JDP2: variants seen among roughly 807,000 people sequenced by gnomAD.
The protein encoded by JDP2 is progesterone receptor co-activator.
JDP2 carries 9 observed loss-of-function variants against 17.1 expected under a neutral mutation model. The ratio of observed to expected loss-of-function variants is 0.53; its 90% CI spans 0.32 to 0.92. The LOEUF is 0.92. JDP2 is among the 40% of genes least tolerant of loss of function. The pLI is 0.04. For synonymous variants in JDP2, 107 were observed against 95.6 expected, an observed-to-expected ratio of 1.12 and a Z score of -0.69; for missense variants, 179 against 220.0, an observed-to-expected ratio of 0.81 and a Z score of 1.18.
chr14:75,469,492 G>T lies in JDP2; in HGVS notation c.*17G>T. The stretch of plus-strand genomic sequence containing the variant: ...AAGAAGTGACCATGGGCTGGGAGGA[G>T]GTGGAGGAGGAGGAAGAGGAGAAGG... On this transcript the variant is annotated 3_prime_UTR_variant, in exon 4 of 4. Transcript: ENST00000651602. 1 of 1,607,218 alleles carries T rather than the reference G, an allele frequency of 6.2e-7. No homozygotes were observed. The highest frequency in any genetic ancestry group is 2.2e-5 in the East Asian group (1 of 44,700).
In JDP2 at chr14:75,469,469, G is replaced by T; in HGVS notation, c.486G>T (p.Lys162Asn). The T allele has an allele frequency of 6.2e-7, 1 of 1,613,294 alleles. No homozygotes were observed. The highest frequency in any genetic ancestry group is 8.5e-7 in the Non-Finnish European group (1 of 1,179,578). ...ACCCACTGCTCGAGCAGCTCGAGAA[G>T]AAGTGACCATGGGCTGGGAGGAGGT... is the stretch of plus-strand genomic sequence containing the variant. Reference protein sequence around the residue: ...EGNPLLEQLEKK With the variant: ...EGNPLLEQLENK The change falls in exon 4 of 4, where the codon AAG (lysine) becomes AAT (asparagine). Residue 162 changes from lysine (K) to asparagine (N), a missense_variant. Physicochemically the swap from Lys to Asn is moderately conservative, Grantham distance 94. Transcript: ENST00000651602.
intron 2 of JDP2, among the ~76,000 whole-genome samples, chr14:75,459,465 G>A (rs992593715): frequency 3.3e-5 from 5 of 152,210 alleles, no homozygotes; most frequent in Non-Finnish European, 7.4e-5. Flanking sequence ...GCAGGGAGAA[G>A]CTCAGAGGTG....
At chr14:75,429,308 A>G (rs1053713841) in intron 1 of JDP2, among the ~76,000 whole-genome samples, 1 of 152,116 alleles carries the variant, frequency 6.6e-6, no homozygotes, top group Non-Finnish European at 1.5e-5. Context: ...TGGCCCGACC[A>G]CGTGTGCTCA....
rs1013315498 is a variant in JDP2 at position 75,470,941 on chromosome 14, C to T, written c.*1466C>T. ...AGTCTCTTCCCTTCTCACAAGAGCA[C>T]AAACTAGGCACGATTCTTCTCATTT... On this transcript the variant is annotated 3_prime_UTR_variant, in exon 4 of 4. Coordinates refer to ENST00000651602, the MANE Select transcript of JDP2 (RefSeq NM_001135048.2). 5.3e-5 allele frequency: 8 copies of T among 152,358 alleles called. No individual in the cohort carries two copies. Among genetic ancestry groups the T allele is most frequent in the African/African-American group, 1.9e-4 (8 of 41,578 alleles). The allele number at this position is 152,358 out of a possible 1,614,324, so 9.4% of individuals were successfully genotyped here.
rs1010814924 is a variant in JDP2 at position 75,470,193 on chromosome 14, A to G, written c.*718A>G. On this transcript the variant is annotated 3_prime_UTR_variant, in exon 4 of 4. Transcript: ENST00000651602. The stretch of plus-strand genomic sequence containing the variant: ...TTTCCTTTTTTTTTTTTTTTTTAAT[A>G]TTTTTTACAAAAAAAAAGATTTTAT... 2.7e-5 allele frequency: 3 copies of G among 109,994 alleles called. No individual in the cohort carries two copies. The highest frequency in any genetic ancestry group is 4.0e-5 in the Non-Finnish European group (2 of 49,766). The allele number at this position is 109,994 out of a possible 1,614,324, so 6.8% of individuals were successfully genotyped here.
chr14:75,466,065 A>G (rs984553709), intron 3 of JDP2, among the ~76,000 whole-genome samples: 1 of 152,260 alleles, frequency 6.6e-6, no homozygotes, highest in Non-Finnish European at 1.5e-5. Context: ...TCTGAACTCA[A>G]CTTATATTTA....
rs1884653617 is a variant in JDP2 at position 75,428,743 on chromosome 14, CGACTCCCGGAGGACCCG to C, written c.-24+495_-24+511del. ...AGGACCTCCTGGCAGTGAGGAAGCG[CGACTCCCGGAGGACCCG>C]GACCCGGAGGAGAGTATTGAGAAGG... On this transcript the variant is annotated intron_variant, in intron 1 of 3. Coordinates refer to ENST00000651602, the MANE Select transcript of JDP2 (RefSeq NM_001135048.2). The surrounding 1 kb of genome is among the most constrained non-coding windows in gnomAD (Gnocchi z 5.6). 1 of 152,302 alleles carries C rather than the reference CGACTCCCGGAGGACCCG, an allele frequency of 6.6e-6. No individual in the cohort carries two copies. Among genetic ancestry groups the C allele is most frequent in the Admixed American group, 6.5e-5 (1 of 15,282 alleles). The allele number at this position is 152,302 out of a possible 1,614,324, so 9.4% of individuals were successfully genotyped here.
At chr14:75,459,901 G>T (rs999387792) in intron 2 of JDP2, among the ~76,000 whole-genome samples, 1 of 152,184 alleles carries the variant, frequency 6.6e-6, no homozygotes, top group East Asian at 1.9e-4. Context: ...TCAGGAGCAG[G>T]GTGCTTGAAA....
chr14:75,437,980 C>G lies in JDP2; in HGVS notation c.60C>G (p.Gly20=), dbSNP rs550336724. The G allele has an allele frequency of 1.2e-6, 2 of 1,613,176 alleles. No individual in the cohort carries two copies. Among genetic ancestry groups the G allele is most frequent in the Non-Finnish European group, 1.7e-6 (2 of 1,179,508 alleles). The change falls in exon 2 of 4, where the codon GGC becomes GGG. Residue 20 remains glycine, a synonymous_variant. Transcript: ENST00000651602. The stretch of plus-strand genomic sequence containing the variant: ...CCACAGGCTCCCTGCCAGGGCTTGG[C>G]CCCCTGACCGGGCTCCCCAGCTCGG... ...SVTTGSLPGL[G]PLTGLPSSAL...
chr14:75,454,116 C>T (rs569358684), intron 2 of JDP2, among the ~76,000 whole-genome samples: 1 of 152,272 alleles, frequency 6.6e-6, no homozygotes, highest in African/African-American at 2.4e-5. Flanking sequence ...CACCTGCAGA[C>T]GGGGCCTGAG....
Position 75,470,268 on chromosome 14 carries a change from T to C in JDP2, c.*793T>C, listed in dbSNP as rs1271981771. The C allele has an allele frequency of 6.6e-6, 1 of 151,486 alleles. No homozygotes were observed. The highest frequency in any genetic ancestry group is 1.5e-5 in the Non-Finnish European group (1 of 67,896). The allele number at this position is 151,486 out of a possible 1,614,324, so 9.4% of individuals were successfully genotyped here. A position where few individuals can be genotyped will look rare whatever the true frequency, so the allele number is the denominator to read the frequency against. On this transcript the variant is annotated 3_prime_UTR_variant, in exon 4 of 4. Transcript: ENST00000651602. ...TATAATCACTCGATGTGATACAGTA[T>C]AAATATGCTATGGTTTGTTTGTTAT...
At chr14:75,436,408 A>G (rs1201420486) in intron 1 of JDP2, among the ~76,000 whole-genome samples, 2 of 152,222 alleles carry the variant, frequency 1.3e-5, no homozygotes, top group Non-Finnish European at 1.5e-5. Context: ...GGGAAGAGAC[A>G]GGTAAAGATG....
chr14:75,441,427 G>T (rs892326619), intron 2 of JDP2, among the ~76,000 whole-genome samples: 1 of 152,218 alleles, frequency 6.6e-6, no homozygotes, highest in Non-Finnish European at 1.5e-5. Flanking sequence ...AGCCATATTT[G>T]TTAAGCATCT....
At position 75,438,076 on chromosome 14, in the gene JDP2, C is replaced by G; in HGVS notation, c.156C>G (p.Phe52Leu). Reference sequence around the variant, plus strand: ...GGGCCATGATTGCACCCTTGCACTTCCTGGAGGTGAAACTGGGCAAGAGGC... The same window carrying G: ...GGGCCATGATTGCACCCTTGCACTTGCTGGAGGTGAAACTGGGCAAGAGGC... ...NLGAMIAPLH[F>L]LEVKLGKRPQ... Residue 52 changes from phenylalanine (F) to leucine (L), a missense_variant, in exon 2 of 4, where the codon TTC becomes TTG. Phe to Leu is a conservative substitution (Grantham distance 22, BLOSUM62 0). Transcript: ENST00000651602. 1.9e-6 allele frequency: 3 copies of G among 1,613,640 alleles called. No homozygotes were observed. The highest frequency in any genetic ancestry group is 3.3e-4 in the Middle Eastern group (2 of 6,060).
At chr14:75,467,716 C>T (rs1886626603) in intron 3 of JDP2, among the ~76,000 whole-genome samples, 1 of 152,174 alleles carries the variant, frequency 6.6e-6, no homozygotes. Context: ...CACAGGCTTC[C>T]ATGGATTCAC....
intron 2 of JDP2, among the ~76,000 whole-genome samples, chr14:75,447,739 C>A (rs1184710424): frequency 6.6e-6 from 1 of 152,068 alleles, no homozygotes; most frequent in Non-Finnish European, 1.5e-5. Flanking sequence ...CTCACTGCAA[C>A]CTCTGCCTCT....
intron 1 of JDP2, among the ~76,000 whole-genome samples, chr14:75,433,260 G>T (rs1489302272): frequency 7.5e-6 from 1 of 133,556 alleles, no homozygotes; most frequent in African/African-American, 2.7e-5. Flanking sequence ...GTAATCGCGG[G>T]TTTTGCCATT....
intron 1 of JDP2, among the ~76,000 whole-genome samples, chr14:75,433,195 C>CAAAA (rs780191475): frequency 0.035 from 688 of 19,384 alleles, 157 homozygotes; most frequent in Non-Finnish European, 0.056. Flanking sequence ...AACTCCGTCT[C>CAAAA]AAAAAAAAAA....
intron 2 of JDP2, among the ~76,000 whole-genome samples, chr14:75,440,935 C>T (rs1885315843): frequency 6.6e-6 from 1 of 152,214 alleles, no homozygotes; most frequent in South Asian, 2.1e-4. Context: ...TGCCTTGAGC[C>T]CAAGCTTTAA....
Sources: gnomAD v4.1 joint callset for allele counts (sites outside exome capture counted in the v4.1 genomes callset) on GRCh38, gnomAD v4.1.1 for gene constraint, Gnocchi (gnomAD v3.1) non-coding constraint, MANE v1.5 for transcripts, NCBI Gene and HGNC (gene_info 2026-07-23, HGNC 2026-07-21) for gene names.